The following PRKACB variants were observed in gnomAD, a reference collection of about 807,000 sequenced individuals.
The protein encoded by PRKACB is cAMP-dependent protein kinase catalytic subunit beta.
Under a neutral mutation model 51.4 loss-of-function variants are expected in PRKACB, and 16 were observed. The ratio of observed to expected loss-of-function variants is 0.31; its 90% CI spans 0.21 to 0.47. The LOEUF (loss-of-function observed/expected upper bound fraction) is 0.47. PRKACB is among the 20% of genes least tolerant of loss of function. The pLI, the probability that PRKACB is intolerant of heterozygous loss-of-function variation, is 1.00. For missense variants in PRKACB, 309 were observed against 464.5 expected, an observed-to-expected ratio of 0.67 and a Z score of 3.08; for synonymous variants, 147 against 154.4, an observed-to-expected ratio of 0.95 and a Z score of 0.35.
At chr1:84,175,159 A>G in intron 1 of PRKACB, 1 of 1,073,890 alleles carries the variant, frequency 9.3e-7, no homozygotes, top group Non-Finnish European at 1.2e-6. Context: ...TTTTAAGTAT[A>G]TCAAGTTAAT....
At chr1:84,160,378 T>C (rs1247389597) in intron 1 of PRKACB, among the ~76,000 whole-genome samples, 2 of 151,548 alleles carry the variant, frequency 1.3e-5, no homozygotes, top group Non-Finnish European at 3.0e-5. Context: ...TTAATTTATC[T>C]AGCATCAGTG....
At chr1:84,155,415 T>C (rs372057152) in intron 1 of PRKACB, among the ~76,000 whole-genome samples, 95 of 152,262 alleles carry the variant, frequency 6.2e-4, no homozygotes, top group African/African-American at 2.1e-3. Context: ...ATCTGAAGAA[T>C]AAATGTTGTT....
intron 5 of PRKACB, among the ~76,000 whole-genome samples, chr1:84,192,862 A>T (rs559087994): frequency 1.3e-5 from 2 of 152,274 alleles, no homozygotes; most frequent in African/African-American, 4.8e-5. Context: ...TTGAGAGCCT[A>T]TTTTTAACTA....
intron 1 of PRKACB, among the ~76,000 whole-genome samples, chr1:84,105,789 G>A (rs1452642962): frequency 6.6e-6 from 1 of 151,954 alleles, no homozygotes; most frequent in Non-Finnish European, 1.5e-5. Flanking sequence ...TATTGGTCAG[G>A]CTGATCTCGA....
At chr1:84,126,772 A>C (rs1651655116) in intron 1 of PRKACB, among the ~76,000 whole-genome samples, 4 of 152,160 alleles carry the variant, frequency 2.6e-5, no homozygotes, top group African/African-American at 9.7e-5. Flanking sequence ...CACATGCTCA[A>C]GCCAAAAAAA....
At chr1:84,099,882 A>G (rs1348938114) in intron 1 of PRKACB, among the ~76,000 whole-genome samples, 2 of 152,150 alleles carry the variant, frequency 1.3e-5, no homozygotes, top group Non-Finnish European at 2.9e-5. Flanking sequence ...ATCCTTAAGC[A>G]TGGTCTATAT....
intron 1 of PRKACB, among the ~76,000 whole-genome samples, chr1:84,153,502 CT>C (rs1655085007): frequency 6.6e-6 from 1 of 152,140 alleles, no homozygotes; most frequent in Non-Finnish European, 1.5e-5. Flanking sequence ...ATCTCCAGGA[CT>C]TATTCATCCT....
At chr1:84,127,309 A>G (rs1383914227) in intron 1 of PRKACB, among the ~76,000 whole-genome samples, 2 of 152,190 alleles carry the variant, frequency 1.3e-5, no homozygotes, top group Non-Finnish European at 2.9e-5. Context: ...TAAGCTTATC[A>G]TTAATAAGCA....
At chr1:84,166,073 A>G (rs1175819790) in intron 1 of PRKACB, among the ~76,000 whole-genome samples, 1 of 151,706 alleles carries the variant, frequency 6.6e-6, no homozygotes, top group Non-Finnish European at 1.5e-5. Context: ...ACAGTACAAT[A>G]TAAACCTCTT....
At chr1:84,163,100 A>G (rs1014173290) in intron 1 of PRKACB, among the ~76,000 whole-genome samples, 7 of 151,978 alleles carry the variant, frequency 4.6e-5, no homozygotes, top group African/African-American at 1.7e-4. Context: ...CTTAATTGTT[A>G]TTTAATGATT....
chr1:84,154,987 C>T (rs2100662437), intron 1 of PRKACB, among the ~76,000 whole-genome samples: 1 of 152,114 alleles, frequency 6.6e-6, no homozygotes, highest in South Asian at 2.1e-4. Context: ...AGGATGCCCA[C>T]TGTTAAAACT....
chr1:84,227,004 G>C (rs1394168458), intron 9 of PRKACB, among the ~76,000 whole-genome samples: 1 of 151,638 alleles, frequency 6.6e-6, no homozygotes, highest in African/African-American at 2.4e-5. Flanking sequence ...CACTTTCCTG[G>C]AATGAATACC....
At chr1:84,231,610 G>A (rs1241000078) in intron 9 of PRKACB, among the ~76,000 whole-genome samples, 1 of 152,166 alleles carries the variant, frequency 6.6e-6, no homozygotes, top group African/African-American at 2.4e-5. Flanking sequence ...CCTGTTATTG[G>A]TCTATTCAGA....
At chr1:84,142,628 A>G (rs1390257881), upstream of PRKACB, among the ~76,000 whole-genome samples, 1 of 152,208 alleles carries the variant, frequency 6.6e-6, no homozygotes, top group African/African-American at 2.4e-5. Context: ...GTATACAGAA[A>G]TGAGCTGTTA....
At chr1:84,142,739 A>T (rs900279320), upstream of PRKACB, among the ~76,000 whole-genome samples, 17 of 152,230 alleles carry the variant, frequency 1.1e-4, no homozygotes, top group South Asian at 2.1e-4. Context: ...ATACTGTTAC[A>T]TACTTGTTTA....
At chr1:84,129,958 T>C (rs763619266) in intron 1 of PRKACB, among the ~76,000 whole-genome samples, 38 of 152,244 alleles carry the variant, frequency 2.5e-4, no homozygotes, top group Middle Eastern at 3.4e-3. Context: ...CCCAGCACTT[T>C]GGGAGGCCCA....
chr1:84,233,180 T>G (rs1447466225), intron 9 of PRKACB, among the ~76,000 whole-genome samples: 1 of 152,106 alleles, frequency 6.6e-6, no homozygotes, highest in Non-Finnish European at 1.5e-5. Context: ...TGAAGCTTAG[T>G]TTGGCTGGAT....
chr1:84,225,831 G>C (rs1674495871), intron 9 of PRKACB, among the ~76,000 whole-genome samples: 1 of 152,150 alleles, frequency 6.6e-6, no homozygotes, highest in African/African-American at 2.4e-5. Flanking sequence ...GCTGCCAGCT[G>C]GTCCCAGCTA....
chr1:84,114,249 A>G (rs1650454960), intron 1 of PRKACB, among the ~76,000 whole-genome samples: 2 of 152,212 alleles, frequency 1.3e-5, no homozygotes, highest in South Asian at 4.1e-4. Flanking sequence ...ATTTGAAAAA[A>G]GTAATTTTCA....
Sources: gnomAD v4.1 joint callset for allele counts (sites outside exome capture counted in the v4.1 genomes callset) on GRCh38, gnomAD v4.1.1 for gene constraint, MANE v1.5 for transcripts, NCBI Gene and HGNC (gene_info 2026-07-23, HGNC 2026-07-21) for gene names.